SPTB: variants seen among roughly 807,000 people sequenced by gnomAD.
SPTB encodes spectrin beta chain, erythrocytic.
In SPTB, 45 loss-of-function variants were observed where a neutral mutation model predicts 256.2. The observed-to-expected ratio is 0.18, with a 90% CI of 0.14 to 0.23. The LOEUF is 0.23. Among genes scored for constraint, SPTB ranks in the 10% least tolerant of loss-of-function variants. The probability of loss-of-function intolerance (pLI) is 1.00; values close to 1 mark genes in which losing one functional copy is unlikely to be tolerated. For missense variants in SPTB, 2,715 were observed against 3,040.4 expected, an observed-to-expected ratio of 0.89 and a Z score of 2.52; for synonymous variants, 1,231 against 1,243.1, an observed-to-expected ratio of 0.99 and a Z score of 0.21.
At position 64,796,852 on chromosome 14, in the gene SPTB, G is replaced by A. The variant is rs1023628624; in HGVS notation, c.1183-137C>T. ...GATGCTCTTGGGTGACGTGGTAGCA[G>A]ATTAAAGATCAATAAAAGCCTTTGG... On this transcript the variant is annotated intron_variant, in intron 10 of 35. Coordinates refer to ENST00000644917, the MANE Select transcript of SPTB (RefSeq NM_001355436.2). This position sits in a 1 kb window ranked among gnomAD's most constrained non-coding sequence, Gnocchi z 4.1. 7 of 1,150,462 alleles carry A rather than the reference G, an allele frequency of 6.1e-6. No individual in the cohort carries two copies. The African/African-American group carries it at 1.0e-4, about 17-fold the overall frequency. The allele number at this position is 1,150,462 out of a possible 1,614,324, so 71.3% of individuals were successfully genotyped here. A position where few individuals can be genotyped will look rare whatever the true frequency, so the allele number is the denominator to read the frequency against.
At position 64,791,954 on chromosome 14, in the gene SPTB, T is replaced by C; in HGVS notation, c.2667-98A>G. Reference sequence around the variant, plus strand: ...GTCTCCAGAACATGTAGCTCTTGCTTTCTCCTTCCACTGCCTAAACCATTT... The same window carrying C: ...GTCTCCAGAACATGTAGCTCTTGCTCTCTCCTTCCACTGCCTAAACCATTT... On this transcript the variant is annotated intron_variant, in intron 14 of 35. Coordinates refer to ENST00000644917, the MANE Select transcript of SPTB (RefSeq NM_001355436.2). 3 of 1,523,228 alleles carry C rather than the reference T, an allele frequency of 2.0e-6. No individual in the cohort carries two copies. In the South Asian group the frequency reaches 3.5e-5, roughly 18 times the overall value. The allele number at this position is 1,523,228 out of a possible 1,614,324, so 94.4% of individuals were successfully genotyped here.
chr14:64,816,841 G>A lies in SPTB; in HGVS notation c.148+6106C>T, dbSNP rs554753856. 2.0e-5 allele frequency among the ~76,000 whole-genome samples: 3 copies of A among 149,504 alleles called. No individual in the cohort carries two copies. Among genetic ancestry groups the A allele is most frequent in the Middle Eastern group, 3.4e-3 (1 of 292 alleles). On this transcript the variant is annotated intron_variant, in intron 2 of 35. Transcript: ENST00000644917. This position sits in a 1 kb window ranked among gnomAD's most constrained non-coding sequence, Gnocchi z 4.2. ...AGCATGTGGGGGACACATGGGGCAG[G>A]GAGAATGGGTGCTGGCTTTTCCTGA...
At position 64,759,459 on chromosome 14, in the gene SPTB, C is replaced by T. The variant is rs2082062699; in HGVS notation, c.6346-5666G>A. 6.6e-6 allele frequency among the ~76,000 whole-genome samples: 1 copy of T among 152,214 alleles called. No individual in the cohort carries two copies. The highest frequency in any genetic ancestry group is 2.1e-4 in the South Asian group (1 of 4,838). On this transcript the variant is annotated intron_variant, in intron 32 of 35. Coordinates refer to ENST00000644917, the MANE Select transcript of SPTB (RefSeq NM_001355436.2). This position sits in a 1 kb window ranked among gnomAD's most constrained non-coding sequence, Gnocchi z 4.8. ...CAGCATGGTTTGGCAGGAGGACCCACCTCCCCTGAGCCTCAAGGCTAATAA... is the reference window on the plus strand; with the variant it reads ...CAGCATGGTTTGGCAGGAGGACCCATCTCCCCTGAGCCTCAAGGCTAATAA...
chr14:64,824,694 C>T lies in SPTB; in HGVS notation c.-51-1549G>A, dbSNP rs976026366. Among the ~76,000 whole-genome samples, 1 of 151,982 alleles carries T rather than the reference C, an allele frequency of 6.6e-6. No individual in the cohort carries two copies. The highest frequency in any genetic ancestry group is 1.9e-4 in the East Asian group (1 of 5,172). ...TGTGCACCCACGGCACACACACAGG[C>T]TCATATCTGACACACTGACACACAC... On this transcript the variant is annotated intron_variant, in intron 1 of 35. Transcript: ENST00000644917. The surrounding 1 kb of genome is among the most constrained non-coding windows in gnomAD (Gnocchi z 5.7).
Position 64,859,686 on chromosome 14 carries a change from C to T in SPTB, c.-52+20106G>A, listed in dbSNP as rs190141284. Among the ~76,000 whole-genome samples, 158 of 56,324 alleles carry T rather than the reference C, an allele frequency of 2.8e-3. 3 individuals carry two copies. The Admixed American group carries it at 0.032, about 11-fold the overall frequency. The allele number at this position is 56,324 out of a possible 152,430, so 37.0% of individuals were successfully genotyped here. On this transcript the variant is annotated intron_variant, in intron 1 of 35. Transcript: ENST00000644917. ...TTGAGCCCAGGGAGACTCTGTCTCT[C>T]TCTCTCTGTCTCTCTCTCTCTCTCT...
rs1038517218 is a variant in SPTB at position 64,796,778 on chromosome 14, C to T, written c.1183-63G>A. The T allele has an allele frequency of 1.1e-5, 18 of 1,594,792 alleles. No homozygotes were observed. Among genetic ancestry groups the T allele is most frequent in the Non-Finnish European group, 1.5e-5 (18 of 1,166,206 alleles). ...GAGAAATGCCTCACTTTGGGGGCTC[C>T]ACCCCTTTCACCCAACACTGAGTGA... is the stretch of plus-strand genomic sequence containing the variant. On this transcript the variant is annotated intron_variant, in intron 10 of 35. Transcript: ENST00000644917. The surrounding 1 kb of genome is among the most constrained non-coding windows in gnomAD (Gnocchi z 4.1).
Position 64,775,489 on chromosome 14 carries a change from C to T in SPTB, c.4564-86G>A. The T allele has an allele frequency of 6.6e-7, 1 of 1,511,290 alleles. No homozygotes were observed. The highest frequency in any genetic ancestry group is 8.9e-7 in the Non-Finnish European group (1 of 1,120,544). 93.6% of individuals were successfully genotyped at this position (1,511,290 alleles called of 1,614,324 possible). A position where few individuals can be genotyped will look rare whatever the true frequency, so the allele number is the denominator to read the frequency against. ...AGCAGTGGCAGCACAGCTCTGACAC[C>T]CTTGGTCCCTCTCACCCCCGTTGCT... On this transcript the variant is annotated intron_variant, in intron 22 of 35. Coordinates refer to ENST00000644917, the MANE Select transcript of SPTB (RefSeq NM_001355436.2). This position sits in a 1 kb window ranked among gnomAD's most constrained non-coding sequence, Gnocchi z 5.0.
chr14:64,877,853 A>G (rs773288164), intron 1 of SPTB, among the ~76,000 whole-genome samples: 4 of 152,212 alleles, frequency 2.6e-5, no homozygotes, highest in Non-Finnish European at 5.9e-5. Context: ...TGCTCCTGTC[A>G]TACCTTCACC....
Position 64,787,093 on chromosome 14 carries a change from T to C in SPTB, c.2872A>G (p.Asn958Asp), listed in dbSNP as rs922976456. Residue 958 changes from asparagine (N) to aspartate (D), a missense_variant, in exon 16 of 36, where the codon AAC becomes GAC. Asn to Asp is a conservative substitution (Grantham distance 23, BLOSUM62 1). Coordinates refer to ENST00000644917, the MANE Select transcript of SPTB (RefSeq NM_001355436.2). Reference protein sequence around the residue: ...EAVDSALRVHNYCVDCEETSK... With the variant: ...EAVDSALRVHDYCVDCEETSK... ...GTCTCCTCGCAATCTACGCAGTAGTTGTGCACTCGGAGGGCTGAGTCCACA... is the reference window on the plus strand; with the variant it reads ...GTCTCCTCGCAATCTACGCAGTAGTCGTGCACTCGGAGGGCTGAGTCCACA... The C allele has an allele frequency of 8.1e-6, 13 of 1,611,572 alleles. No homozygotes were observed. Among genetic ancestry groups the C allele is most frequent in the Admixed American group, 1.7e-5 (1 of 59,996 alleles).
intron 1 of SPTB, among the ~76,000 whole-genome samples, chr14:64,855,774 G>A (rs1416747243): frequency 6.6e-6 from 1 of 152,242 alleles, no homozygotes; most frequent in Admixed American, 6.5e-5. Flanking sequence ...GAGAGCACCA[G>A]CAGGGGAGGT....
At chr14:64,787,545 G>T (rs1266077106) in intron 15 of SPTB, among the ~76,000 whole-genome samples, 1 of 152,148 alleles carries the variant, frequency 6.6e-6, no homozygotes, top group Non-Finnish European at 1.5e-5. Context: ...AATGCTTCAG[G>T]ACATAGGGTC....
At chr14:64,822,364 T>TCC (rs1566786944) in intron 2 of SPTB, among the ~76,000 whole-genome samples, 35 of 1,670 alleles carry the variant, frequency 0.021, no homozygotes, top group African/African-American at 0.095. Flanking sequence ...TCTCTCTCTC[T>TCC]CTCTCTCTCT....
At chr14:64,870,776 T>G (rs543894624) in intron 1 of SPTB, among the ~76,000 whole-genome samples, 48 of 152,332 alleles carry the variant, frequency 3.2e-4, no homozygotes, top group African/African-American at 1.1e-3. Flanking sequence ...CAATTTCACA[T>G]CTAGGTATAT....
intron 1 of SPTB, among the ~76,000 whole-genome samples, chr14:64,859,483 G>A (rs1370667141): frequency 1.3e-5 from 2 of 151,710 alleles, no homozygotes; most frequent in African/African-American, 4.8e-5. Context: ...GGTGGCTCAT[G>A]CCTGTAATCC....
chr14:64,788,467 G>C (rs2082612971), intron 15 of SPTB, among the ~76,000 whole-genome samples: 1 of 152,190 alleles, frequency 6.6e-6, no homozygotes, highest in Non-Finnish European at 1.5e-5. Flanking sequence ...AGAGCCTGCA[G>C]ATTTCTCGGC....
chr14:64,813,046 G>A (rs2139668176), intron 2 of SPTB, among the ~76,000 whole-genome samples: 1 of 152,196 alleles, frequency 6.6e-6, no homozygotes, highest in African/African-American at 2.4e-5. Context: ...ATGCATTTTG[G>A]GGGAAAATTC....
chr14:64,779,805 C>T lies in SPTB; in HGVS notation c.4393G>A (p.Glu1465Lys), dbSNP rs1280762398. The change falls in exon 21 of 36, where the codon GAA becomes AAA. Residue 1465 changes from glutamate to lysine, a missense_variant. Coordinates refer to ENST00000644917, the MANE Select transcript of SPTB (RefSeq NM_001355436.2). This position sits in a 1 kb window ranked among gnomAD's most constrained non-coding sequence, Gnocchi z 4.2. ...SIEKRFLDLLEPLGRRKKQLE... is the reference protein window; with the variant it reads ...SIEKRFLDLLKPLGRRKKQLE... The stretch of plus-strand genomic sequence containing the variant: ...TGCTTCTTCCTCCTTCCTAGGGGTT[C>T]CAGGAGGTCCAGGAACCGCTTCTCG... 1.2e-6 allele frequency: 2 copies of T among 1,614,112 alleles called. No individual in the cohort carries two copies. The highest frequency in any genetic ancestry group is 2.2e-5 in the South Asian group (2 of 91,076).
Position 64,873,152 on chromosome 14 carries a change from T to C in SPTB, c.-52+6640A>G, listed in dbSNP as rs1004666456. On this transcript the variant is annotated intron_variant, in intron 1 of 35. Coordinates refer to ENST00000644917, the MANE Select transcript of SPTB (RefSeq NM_001355436.2). The surrounding 1 kb of genome is among the most constrained non-coding windows in gnomAD (Gnocchi z 4.3). ...ACCTGAAATAGTAGAACCACCCTTC[T>C]TTCCCTTCATATTGCTTTATTTTTC... 2.6e-5 allele frequency among the ~76,000 whole-genome samples: 4 copies of C among 152,200 alleles called. No individual in the cohort carries two copies. The highest frequency in any genetic ancestry group is 5.9e-5 in the Non-Finnish European group (4 of 68,028).
rs373549536 is a variant in SPTB at position 64,801,841 on chromosome 14, C to A, written c.567-7G>T. 166 of 1,613,380 alleles carry A rather than the reference C, an allele frequency of 1.0e-4. No homozygotes were observed. Among genetic ancestry groups the A allele is most frequent in the Non-Finnish European group, 1.2e-4 (142 of 1,179,452 alleles). On this transcript the variant is annotated splice_region_variant and splice_polypyrimidine_tract_variant and intron_variant, in intron 5 of 35. Coordinates refer to ENST00000644917, the MANE Select transcript of SPTB (RefSeq NM_001355436.2). Reference sequence around the variant, plus strand: ...GACATTAACATGAGGGTAGCTGCATCCAAGAGAAACAGTAAGAGCTAAGAA... The same window carrying A: ...GACATTAACATGAGGGTAGCTGCATACAAGAGAAACAGTAAGAGCTAAGAA...
Sources: gnomAD v4.1 joint callset for allele counts (sites outside exome capture counted in the v4.1 genomes callset) on GRCh38, gnomAD v4.1.1 for gene constraint, Gnocchi (gnomAD v3.1) non-coding constraint, MANE v1.5 for transcripts, NCBI Gene and HGNC (gene_info 2026-07-23, HGNC 2026-07-21) for gene names.